Variants in EPC2 observed in about 807,000 individuals in gnomAD.
EPC2 encodes enhancer of polycomb 2, also known as enhancer of polycomb homolog 2.
EPC2 carries 14 observed loss-of-function variants against 92.1 expected under a neutral mutation model. The observed-to-expected ratio is 0.15, with a 90% CI of 0.10 to 0.24. The LOEUF is 0.24. EPC2 is among the 10% of genes least tolerant of loss of function. The pLI is 1.00. For synonymous variants in EPC2, 340 were observed against 334.7 expected, an observed-to-expected ratio of 1.02 and a Z score of -0.17; for missense variants, 755 against 971.5, an observed-to-expected ratio of 0.78 and a Z score of 2.96.
chr2:148,651,897 A>T (rs369761658), intron 1 of EPC2, among the ~76,000 whole-genome samples: 7 of 152,330 alleles, frequency 4.6e-5, no homozygotes, highest in African/African-American at 1.7e-4. Flanking sequence ...GCCTAAGATC[A>T]TCCGTCTAAA....
Position 148,766,564 on chromosome 2 carries a change from G to A in EPC2, c.1140+1418G>A, listed in dbSNP as rs539426740. On this transcript the variant is annotated intron_variant, in intron 7 of 13. Transcript: ENST00000258484. ...TATCAGATGACCATTTTGAAGGAAT[G>A]AGGGATATAGTGCCCTACAAAAGAG... Among the ~76,000 whole-genome samples the A allele has an allele frequency of 2.0e-5, 3 of 152,276 alleles. No homozygotes were observed. In the East Asian group the frequency reaches 5.8e-4, roughly 29 times the overall value.
chr2:148,710,006 TTAAAC>T (rs67735018), intron 2 of EPC2, among the ~76,000 whole-genome samples: 7,235 of 152,166 alleles, frequency 0.048, 248 homozygotes, highest in Non-Finnish European at 0.064. Context: ...TGGGATCTAA[TTAAAC>T]TAAAGAGCTT....
chr2:148,704,714 A>T (rs998638596), intron 2 of EPC2, among the ~76,000 whole-genome samples: 5 of 152,158 alleles, frequency 3.3e-5, no homozygotes, highest in African/African-American at 9.7e-5. Context: ...CTTTCTTTGT[A>T]AGTGGTGTTC....
rs935978031 is a variant in EPC2 at position 148,774,624 on chromosome 2, T to TATTATATATATATATATATATATATATA, written c.1720+3237_1720+3238insATTATATATATATATATATATATATATA. Among the ~76,000 whole-genome samples, 201 of 132,532 alleles carry TATTATATATATATATATATATATATATA rather than the reference T, an allele frequency of 1.5e-3. 6 individuals carry two copies. Among genetic ancestry groups the TATTATATATATATATATATATATATATA allele is most frequent in the East Asian group, 0.011 (43 of 3,832 alleles). The allele number at this position is 132,532 out of a possible 152,430, so 86.9% of individuals were successfully genotyped here. A position where few individuals can be genotyped will look rare whatever the true frequency, so the allele number is the denominator to read the frequency against. On this transcript the variant is annotated intron_variant, in intron 10 of 13. Transcript: ENST00000258484. ...CCTGACTCAAAAAAAAAAATATATT[T>TATTATATATATATATATATATATATATA]TATATATATATATATATGCATGTAC...
At chr2:148,684,251 A>G (rs1449419228) in intron 1 of EPC2, among the ~76,000 whole-genome samples, 1 of 152,022 alleles carries the variant, frequency 6.6e-6, no homozygotes, top group Non-Finnish European at 1.5e-5. Flanking sequence ...GATTCTGAAT[A>G]TTAGTCCTTT....
chr2:148,765,264 C>CT, intron 7 of EPC2, 118 bp downstream of exon 7: 1 of 600,790 alleles, frequency 1.7e-6, no homozygotes, highest in Non-Finnish European at 2.6e-6. Context: ...ATGTATATAG[C>CT]ATAAACATTT....
At chr2:148,709,438 A>C (rs979106124) in intron 2 of EPC2, among the ~76,000 whole-genome samples, 11 of 152,256 alleles carry the variant, frequency 7.2e-5, no homozygotes, top group Non-Finnish European at 1.3e-4. Flanking sequence ...TTTATAGATT[A>C]AATGCCATCC....
At chr2:148,728,798 C>A (rs1351088926) in intron 2 of EPC2, among the ~76,000 whole-genome samples, 1 of 150,784 alleles carries the variant, frequency 6.6e-6, no homozygotes, top group Non-Finnish European at 1.5e-5. Context: ...TTTGGGAGGC[C>A]AAGGCGGGCA....
At chr2:148,762,281 C>A in intron 5 of EPC2, 1 of 184,392 alleles carries the variant, frequency 5.4e-6, no homozygotes, top group Non-Finnish European at 1.1e-5. Context: ...ATTTTATTTT[C>A]TGAGTAGGTA....
intron 10 of EPC2, among the ~76,000 whole-genome samples, chr2:148,774,397 C>A (rs1010118884): frequency 2.6e-5 from 4 of 151,746 alleles, no homozygotes; most frequent in Non-Finnish European, 5.9e-5. Context: ...GAGGCTGAGG[C>A]AGGTAGATCA....
intron 2 of EPC2, among the ~76,000 whole-genome samples, chr2:148,714,464 T>G (rs1682217103): frequency 6.6e-6 from 1 of 152,254 alleles, no homozygotes. Flanking sequence ...TATTTCTGCC[T>G]CTAGGTCTTT....
At chr2:148,659,385 T>A (rs2105354043) in intron 1 of EPC2, among the ~76,000 whole-genome samples, 1 of 152,216 alleles carries the variant, frequency 6.6e-6, no homozygotes, top group African/African-American at 2.4e-5. Context: ...TAAAAAAAAA[T>A]AGTTAATCTT....
At chr2:148,707,874 A>G (rs998586576) in intron 2 of EPC2, among the ~76,000 whole-genome samples, 3 of 152,224 alleles carry the variant, frequency 2.0e-5, no homozygotes, top group Admixed American at 6.5e-5. Flanking sequence ...TTGTAGCGCT[A>G]AACACCCACA....
At chr2:148,717,935 T>C (rs1682291789) in intron 2 of EPC2, among the ~76,000 whole-genome samples, 1 of 152,224 alleles carries the variant, frequency 6.6e-6, no homozygotes, top group Non-Finnish European at 1.5e-5. Context: ...GCTCCAGTAT[T>C]GGGCACATAT....
intron 11 of EPC2, 49 bp downstream of exon 11, chr2:148,781,829 G>A (rs1001738203): frequency 6.2e-7 from 1 of 1,605,130 alleles, no homozygotes; most frequent in Non-Finnish European, 8.5e-7. Context: ...TCATCATTAT[G>A]TAGTTTTATT....
At chr2:148,658,806 G>T (rs1021479367) in intron 1 of EPC2, among the ~76,000 whole-genome samples, 6 of 151,558 alleles carry the variant, frequency 4.0e-5, no homozygotes, top group Non-Finnish European at 7.4e-5. Flanking sequence ...AGTGATAAAT[G>T]ATATTAAACT....
At chr2:148,727,029 C>T (rs911666845) in intron 2 of EPC2, among the ~76,000 whole-genome samples, 63 of 151,996 alleles carry the variant, frequency 4.1e-4, no homozygotes, top group African/African-American at 1.4e-3. Flanking sequence ...AGTCTTTCTT[C>T]CTGTATTTTC....
In EPC2 at chr2:148,700,486, T is replaced by TC. The variant is rs1271914288; in HGVS notation, c.313+10120dup. ...CTCGTTGTTGGAAAGACTCCCCCCC[T>TC]CCCCCCCGCCCCGCATTGAATTGCC... On this transcript the variant is annotated intron_variant, in intron 2 of 13. Coordinates refer to ENST00000258484, the MANE Select transcript of EPC2 (RefSeq NM_015630.4). 3.2e-3 allele frequency among the ~76,000 whole-genome samples: 168 copies of TC among 52,574 alleles called. 1 individual carries two copies. The highest frequency in any genetic ancestry group is 0.011 in the African/African-American group (158 of 14,848). The allele number at this position is 52,574 out of a possible 152,430, so 34.5% of individuals were successfully genotyped here.
chr2:148,695,888 T>G (rs1051382893), intron 2 of EPC2, among the ~76,000 whole-genome samples: 1 of 152,238 alleles, frequency 6.6e-6, no homozygotes, highest in African/African-American at 2.4e-5. Flanking sequence ...TTTGTCAGAT[T>G]TGTGGAGAAC....
Sources: gnomAD v4.1 joint callset for allele counts (sites outside exome capture counted in the v4.1 genomes callset) on GRCh38, gnomAD v4.1.1 for gene constraint, MANE v1.5 for transcripts, NCBI Gene and HGNC (gene_info 2026-07-23, HGNC 2026-07-21) for gene names.